Variants in FNIP2 observed in about 807,000 individuals in gnomAD.
FNIP2 encodes folliculin interacting protein 2.
FNIP2 carries 32 observed loss-of-function variants against 108.7 expected under a neutral mutation model. The observed-to-expected ratio is 0.29, with a 90% CI of 0.22 to 0.40. FNIP2 has a LOEUF of 0.40. Among genes scored for constraint, FNIP2 ranks in the 10% least tolerant of loss-of-function variants. The pLI is 1.00. For missense variants in FNIP2, 1,202 were observed against 1,381.6 expected (o/e 0.87, Z 2.06); for synonymous variants, 480 against 496.7 (o/e 0.97, Z 0.45).
rs543294978 is a variant in FNIP2 at position 158,865,157 on chromosome 4, A to G, written c.1466-2945A>G. On this transcript the variant is annotated intron_variant, in intron 12 of 16. Coordinates refer to ENST00000264433, the MANE Select transcript of FNIP2 (RefSeq NM_020840.3). ...TTTTTCCCCATTTGCCTCTCTTTTA[A>G]ATTTTTATTTTTAATTGAGGTAAAA... Among the ~76,000 whole-genome samples, 4 of 152,228 alleles carry G rather than the reference A, an allele frequency of 2.6e-5. No homozygotes were observed. In the South Asian group the frequency reaches 8.3e-4, roughly 32 times the overall value.
At chr4:158,875,991 AT>A (rs1560823999) in intron 14 of FNIP2, among the ~76,000 whole-genome samples, 2 of 152,150 alleles carry the variant, frequency 1.3e-5, no homozygotes, top group East Asian at 1.9e-4. Flanking sequence ...GTGTGTGTGT[AT>A]TTATACACAT....
chr4:158,804,912 T>C (rs1166460703), intron 1 of FNIP2, among the ~76,000 whole-genome samples: 1 of 152,204 alleles, frequency 6.6e-6, no homozygotes, highest in Non-Finnish European at 1.5e-5. Context: ...CCACAGAGAA[T>C]TCAAGTTGTC....
intron 15 of FNIP2, among the ~76,000 whole-genome samples, chr4:158,891,889 A>C (rs951156385): frequency 4.6e-5 from 7 of 152,194 alleles, no homozygotes; most frequent in Non-Finnish European, 8.8e-5. Context: ...ATGGTGCAGT[A>C]AATAAGGAAT....
At chr4:158,825,785 G>T in intron 1 of FNIP2, 131 bp from the exon 2 acceptor site, 1 of 1,102,070 alleles carries the variant, frequency 9.1e-7, no homozygotes. Context: ...CAGTTCTGAG[G>T]GGATCACTAG....
chr4:158,850,539 C>G (rs188306485), intron 7 of FNIP2, among the ~76,000 whole-genome samples: 1 of 150,616 alleles, frequency 6.6e-6, no homozygotes, highest in East Asian at 2.0e-4. Context: ...CAGGAGGAAG[C>G]AGAGAAAGGT....
chr4:158,904,172 A>AGTT (rs1183787375), intron 16 of FNIP2, among the ~76,000 whole-genome samples: 2 of 152,210 alleles, frequency 1.3e-5, no homozygotes, highest in Admixed American at 1.3e-4. Context: ...AATACAGGAA[A>AGTT]GTTAGAAAGT....
chr4:158,833,507 C>T (rs1310354573), intron 5 of FNIP2, 21 bp from the exon 6 acceptor site: 5 of 1,485,398 alleles, frequency 3.4e-6, no homozygotes, highest in East Asian at 4.5e-5. Context: ...TTCTCCTTTT[C>T]CCCCCCATCT....
intron 14 of FNIP2, among the ~76,000 whole-genome samples, chr4:158,877,382 C>G (rs532436584): frequency 1.3e-5 from 2 of 152,320 alleles, no homozygotes; most frequent in East Asian, 3.9e-4. Context: ...TCATGTATAC[C>G]TACAAGGATC....
chr4:158,831,192 A>G (rs1268263571), intron 3 of FNIP2, among the ~76,000 whole-genome samples: 4 of 152,198 alleles, frequency 2.6e-5, no homozygotes, highest in African/African-American at 9.6e-5. Context: ...GGAGGTCATC[A>G]TTGGAGCAGT....
intron 2 of FNIP2, among the ~76,000 whole-genome samples, chr4:158,827,666 T>C (rs1046189543): frequency 1.3e-5 from 2 of 152,162 alleles, no homozygotes; most frequent in Admixed American, 6.5e-5. Flanking sequence ...GTTTCTGGCT[T>C]AAGTGAGATT....
At chr4:158,828,589 C>T (rs1778286922) in intron 2 of FNIP2, among the ~76,000 whole-genome samples, 3 of 152,126 alleles carry the variant, frequency 2.0e-5, no homozygotes, top group Admixed American at 1.3e-4. Context: ...GCACTACAGC[C>T]TGGCAACAGG....
intron 14 of FNIP2, chr4:158,872,735 T>G (rs1781025011): frequency 2.4e-6 from 2 of 848,358 alleles, no homozygotes; most frequent in Non-Finnish European, 2.8e-6. Flanking sequence ...TATGGTAGTG[T>G]TTTTTTTTTT....
intron 8 of FNIP2, among the ~76,000 whole-genome samples, chr4:158,852,304 G>A (rs1303029465): frequency 6.6e-6 from 1 of 152,232 alleles, no homozygotes; most frequent in East Asian, 1.9e-4. Context: ...GAGAAACTGA[G>A]GGGTCAGGAT....
intron 3 of FNIP2, among the ~76,000 whole-genome samples, chr4:158,831,282 C>CA (rs1200161931): frequency 3.3e-5 from 5 of 152,260 alleles, no homozygotes; most frequent in Middle Eastern, 3.4e-3. Context: ...AGGAGGCAGG[C>CA]AGTCCACTCT....
chr4:158,899,195 A>ATAT (rs1357133267), intron 16 of FNIP2, among the ~76,000 whole-genome samples: 1 of 152,180 alleles, frequency 6.6e-6, no homozygotes, highest in African/African-American at 2.4e-5. Context: ...CCAGGGATGA[A>ATAT]GCCAGCTGGA....
chr4:158,882,304 C>A (rs985717402), intron 14 of FNIP2, among the ~76,000 whole-genome samples: 2 of 151,982 alleles, frequency 1.3e-5, no homozygotes, highest in Non-Finnish European at 2.9e-5. Flanking sequence ...AGCGTCTCCG[C>A]CCGGCAGCTG....
chr4:158,784,953 A>G (rs1776172791), intron 1 of FNIP2, among the ~76,000 whole-genome samples: 1 of 152,204 alleles, frequency 6.6e-6, no homozygotes. Flanking sequence ...ATGTCCCTGT[A>G]GTGTATAGCA....
intron 14 of FNIP2, among the ~76,000 whole-genome samples, chr4:158,874,470 T>C (rs1781138149): frequency 1.1e-5 from 1 of 92,014 alleles, no homozygotes; most frequent in African/African-American, 4.0e-5. Context: ...CCCTGGGCAA[T>C]ATAGCAAAAT....
At position 158,844,367 on chromosome 4, in the gene FNIP2, A is replaced by G. The variant is rs569302527; in HGVS notation, c.728-6954A>G. Among the ~76,000 whole-genome samples the G allele has an allele frequency of 9.9e-4, 151 of 152,258 alleles. 1 individual carries two copies. The Middle Eastern group carries it at 0.021, about 21-fold the overall frequency. On this transcript the variant is annotated intron_variant, in intron 7 of 16. Coordinates refer to ENST00000264433, the MANE Select transcript of FNIP2 (RefSeq NM_020840.3). ...ATTGATATTATCTGGTTCTTTTCATATAGGATGTCTGGGATGTCCTCCCTT... is the reference window on the plus strand; with the variant it reads ...ATTGATATTATCTGGTTCTTTTCATGTAGGATGTCTGGGATGTCCTCCCTT...
Sources: allele counts gnomAD v4.1 joint callset (sites outside exome capture counted in the v4.1 genomes callset), GRCh38; gene constraint gnomAD v4.1.1; transcripts MANE v1.5; gene names NCBI Gene and HGNC (gene_info 2026-07-23, HGNC 2026-07-21).